The following SRGAP2C variants were observed in gnomAD, a reference collection of about 807,000 sequenced individuals.
SRGAP2C encodes the protein SLIT-ROBO Rho GTPase activating protein 2C.
SRGAP2C carries 15 observed loss-of-function variants against 25.1 expected under a neutral mutation model. That is an observed-to-expected ratio of 0.60 (90% CI 0.40 to 0.92). The LOEUF is 0.92. Among genes scored for constraint, SRGAP2C ranks in the 40% least tolerant of loss-of-function variants. SRGAP2C has a pLI of 0.00. For missense variants in SRGAP2C, 144 were observed against 264.4 expected (o/e 0.54, Z 3.16); for synonymous variants, 44 against 96.6 (o/e 0.46, Z 3.19).
Position 121,379,326 on chromosome 1 carries a change from G to A in SRGAP2C, c.832-3375G>A, listed in dbSNP as rs200093023. On this transcript the variant is annotated intron_variant, in intron 7 of 9. Coordinates refer to ENST00000367123, the MANE Select transcript of SRGAP2C (RefSeq NM_001329984.2). ...ACTCAAGTCATCATACATCTGGATG[G>A]GCTGTCATTAACTTCTTACAAAAAT... is the stretch of plus-strand genomic sequence containing the variant. Among the ~76,000 whole-genome samples, 2,629 of 150,964 alleles carry A rather than the reference G, an allele frequency of 0.017. 162 individuals are homozygous for A. The East Asian group carries it at 0.23, about 13-fold the overall frequency.
Position 121,254,016 on chromosome 1 carries a change from A to G in SRGAP2C, c.68-30787A>G, listed in dbSNP as rs545109. Among the ~76,000 whole-genome samples the G allele has an allele frequency of 4.6e-5, 7 of 151,746 alleles. No homozygotes were observed. The South Asian group carries it at 1.0e-3, about 23-fold the overall frequency. On this transcript the variant is annotated intron_variant, in intron 2 of 9. Coordinates refer to ENST00000367123, the MANE Select transcript of SRGAP2C (RefSeq NM_001329984.2). Reference sequence around the variant, plus strand: ...CAGTCTCAACCTCCTGGGTTCAAGCAATTCTCCTGCCTCAGCTTCCTGAGT... The same window carrying G: ...CAGTCTCAACCTCCTGGGTTCAAGCGATTCTCCTGCCTCAGCTTCCTGAGT...
intron 4 of SRGAP2C, among the ~76,000 whole-genome samples, chr1:121,359,090 C>G (rs1245531474): frequency 7.5e-5 from 1 of 13,262 alleles, no homozygotes; most frequent in Non-Finnish European, 1.6e-4. Context: ...ATTGCTCACT[C>G]CCTAAAATCC....
chr1:121,273,997 T>A (rs1553335724), intron 2 of SRGAP2C, among the ~76,000 whole-genome samples: 1 of 151,180 alleles, frequency 6.6e-6, no homozygotes, highest in East Asian at 1.9e-4. Flanking sequence ...GCAAGGTAGT[T>A]GTGTTCATCT....
chr1:121,313,762 C>T lies in SRGAP2C; in HGVS notation c.261-10716C>T. Among the ~76,000 whole-genome samples the T allele has an allele frequency of 2.4e-5, 3 of 122,530 alleles. No homozygotes were observed. The South Asian group carries it at 8.2e-4, about 34-fold the overall frequency. 80.4% of individuals were successfully genotyped at this position (122,530 alleles called of 152,430 possible). On this transcript the variant is annotated intron_variant, in intron 3 of 9. Transcript: ENST00000367123. ...AATGTTGAATATTGGCCCCCACTCTCTTCTGGCTTGTAGGGTTTCTGCCGA... is the reference window on the plus strand; with the variant it reads ...AATGTTGAATATTGGCCCCCACTCTTTTCTGGCTTGTAGGGTTTCTGCCGA...
intron 3 of SRGAP2C, among the ~76,000 whole-genome samples, chr1:121,315,261 A>T: frequency 6.6e-6 from 1 of 152,054 alleles, no homozygotes; most frequent in Non-Finnish European, 1.5e-5. Flanking sequence ...TTCCCACCTC[A>T]GCCTCCTGAG....
intron 3 of SRGAP2C, among the ~76,000 whole-genome samples, chr1:121,309,504 T>G (rs1425426490): frequency 6.7e-6 from 1 of 148,360 alleles, no homozygotes; most frequent in Non-Finnish European, 1.5e-5. Context: ...ACATGTGCCA[T>G]GCTGGTGCGC....
intron 4 of SRGAP2C, among the ~76,000 whole-genome samples, chr1:121,347,541 C>T (rs1553344224): frequency 7.2e-5 from 11 of 151,736 alleles, no homozygotes; most frequent in Non-Finnish European, 1.6e-4. Context: ...TAGGGTTTAC[C>T]CAAAAGGTCT....
intron 4 of SRGAP2C, among the ~76,000 whole-genome samples, chr1:121,334,410 GT>G (rs1255944495): frequency 6.8e-6 from 1 of 147,684 alleles, no homozygotes; most frequent in Non-Finnish European, 1.5e-5. Flanking sequence ...ATCAGCTGTG[GT>G]TCTTAGGTTC....
intron 2 of SRGAP2C, among the ~76,000 whole-genome samples, chr1:121,283,919 G>C (rs1255768544): frequency 4.8e-5 from 7 of 147,334 alleles, no homozygotes; most frequent in Non-Finnish European, 7.5e-5. Context: ...GTTCCAGAGA[G>C]AGTGTTTGCT....
intron 4 of SRGAP2C, among the ~76,000 whole-genome samples, chr1:121,335,388 A>AAAAC (rs1553342382): frequency 2.3e-5 from 3 of 128,346 alleles, no homozygotes; most frequent in African/African-American, 8.6e-5. Flanking sequence ...ATAAATAAAT[A>AAAAC]AAACAACCAA....
At chr1:121,255,371 T>C (rs1553332178) in intron 2 of SRGAP2C, among the ~76,000 whole-genome samples, 1 of 151,912 alleles carries the variant, frequency 6.6e-6, no homozygotes, top group African/African-American at 2.4e-5. Flanking sequence ...ATATTGGTCT[T>C]GGGAGTGTAG....
At chr1:121,202,077 G>A (rs1289232317) in intron 2 of SRGAP2C, among the ~76,000 whole-genome samples, 12 of 152,292 alleles carry the variant, frequency 7.9e-5, no homozygotes, top group East Asian at 5.8e-4. Flanking sequence ...ATAGTATACC[G>A]CAGCCCACCT....
At chr1:121,224,859 T>C (rs587701572) in intron 2 of SRGAP2C, among the ~76,000 whole-genome samples, 7,345 of 150,838 alleles carry the variant, frequency 0.049, 606 homozygotes, top group African/African-American at 0.17. Flanking sequence ...AAAGGATGTG[T>C]ACACAGCAGC....
chr1:121,354,404 T>C lies in SRGAP2C; in HGVS notation c.424-10889T>C, dbSNP rs1346410091. Among the ~76,000 whole-genome samples, 5 of 66,340 alleles carry C rather than the reference T, an allele frequency of 7.5e-5. 1 individual carries two copies. Among genetic ancestry groups the C allele is most frequent in the Non-Finnish European group, 1.5e-4 (5 of 33,656 alleles). The allele number at this position is 66,340 out of a possible 152,430, so 43.5% of individuals were successfully genotyped here. On this transcript the variant is annotated intron_variant, in intron 4 of 9. Coordinates refer to ENST00000367123, the MANE Select transcript of SRGAP2C (RefSeq NM_001329984.2). ...TTCTGTCCTTTTTTTTTCTTTTTTT[T>C]TTTTTTTTTTTTTTTCTGAGTCTTG...
chr1:121,277,281 T>C (rs1558104998), intron 2 of SRGAP2C, among the ~76,000 whole-genome samples: 1 of 151,668 alleles, frequency 6.6e-6, no homozygotes, highest in South Asian at 2.1e-4. Flanking sequence ...AATTAGATTG[T>C]AATTTCTTGA....
At chr1:121,282,821 G>T (rs1347109144) in intron 2 of SRGAP2C, among the ~76,000 whole-genome samples, 5 of 149,940 alleles carry the variant, frequency 3.3e-5, no homozygotes, top group Admixed American at 2.0e-4. Context: ...GCCTCCCAAA[G>T]TGCTGGGATT....
chr1:121,270,815 C>T (rs1240459405), intron 2 of SRGAP2C, among the ~76,000 whole-genome samples: 34 of 142,570 alleles, frequency 2.4e-4, no homozygotes, highest in Admixed American at 7.6e-4. Context: ...TTTTTTGAGA[C>T]GGAGTCTCGC....
At chr1:121,305,676 C>CA in intron 3 of SRGAP2C, among the ~76,000 whole-genome samples, 1 of 72,054 alleles carries the variant, frequency 1.4e-5, no homozygotes, top group African/African-American at 5.6e-5. Flanking sequence ...AGCTTAAGTT[C>CA]AAAAACAGAT....
chr1:121,195,293 C>G (rs1424666365), intron 2 of SRGAP2C, among the ~76,000 whole-genome samples: 2 of 151,666 alleles, frequency 1.3e-5, no homozygotes, highest in African/African-American at 4.9e-5. Flanking sequence ...GCCTGTAATC[C>G]CAGCTACTCA....
Sources: allele counts gnomAD v4.1 joint callset (sites outside exome capture counted in the v4.1 genomes callset), GRCh38; gene constraint gnomAD v4.1.1; transcripts MANE v1.5; gene names NCBI Gene and HGNC (gene_info 2026-07-23, HGNC 2026-07-21).